The following FXYD1 variants were observed in gnomAD, a reference collection of about 807,000 sequenced individuals.
The protein encoded by FXYD1 is phospholemman.
FXYD1 carries 9 observed loss-of-function variants against 17.2 expected under a neutral mutation model. The ratio of observed to expected loss-of-function variants is 0.52; its 90% CI spans 0.32 to 0.91. FXYD1 has a LOEUF of 0.91. Ranked by LOEUF, FXYD1 falls within the 40% of genes least tolerant of loss-of-function variation. The probability of loss-of-function intolerance (pLI) is 0.04; values close to 1 mark genes in which losing one functional copy is unlikely to be tolerated. For synonymous variants in FXYD1, 55 were observed against 45.8 expected (o/e 1.20, Z -0.81); for missense variants, 113 against 120.6 (o/e 0.94, Z 0.29).
intron 1 of FXYD1, chr19:35,139,778 G>T (rs2065233593): frequency 8.3e-6 from 3 of 362,358 alleles, no homozygotes; most frequent in Non-Finnish European, 1.6e-5. Flanking sequence ...GTAGGTCTGG[G>T]AATCGGGGGC....
In FXYD1 at chr19:35,140,091, T is replaced by C. The variant is rs1180745266; in HGVS notation, c.12T>C (p.Leu4=). MAS[L]GHILVFCVGL... is the part of the protein sequence containing the mutation. The stretch of plus-strand genomic sequence containing the variant: ...TCCCCCCCAGGACAATGGCGTCTCT[T>C]GGCCACATCTTGGTTTTCTGTGTGG... Residue 4 remains leucine, a synonymous_variant, in exon 2 of 8, where the codon CTT becomes CTC. Transcript: ENST00000351325. 25 of 1,612,818 alleles carry C rather than the reference T, an allele frequency of 1.6e-5. No individual in the cohort carries two copies. The highest frequency in any genetic ancestry group is 2.1e-5 in the Non-Finnish European group (25 of 1,178,970).
At chr19:35,142,800 G>GGGAAGGAGGGA in intron 7 of FXYD1, 29 bp downstream of exon 7, 1 of 1,557,104 alleles carries the variant, frequency 6.4e-7, no homozygotes. Context: ...GGCGGTGGGA[G>GGGAAGGAGGGA]GGAAGGAGGG....
chr19:35,139,352 C>T (rs1255133134), intron 1 of FXYD1: 1 of 152,758 alleles, frequency 6.5e-6, no homozygotes, highest in East Asian at 1.9e-4. Context: ...CTGGGCTGGG[C>T]CTCATGTCAC....
intron 3 of FXYD1, 175 bp from the exon 4 acceptor site, chr19:35,140,957 T>C (rs1262017565): frequency 3.8e-5 from 14 of 368,170 alleles, no homozygotes; most frequent in Non-Finnish European, 6.3e-5. Context: ...ATACACCCCT[T>C]TCCTCTCCCT....
chr19:35,141,072 C>G (rs1159328282), intron 3 of FXYD1, 60 bp from the exon 4 acceptor site: 1 of 1,022,386 alleles, frequency 9.8e-7, no homozygotes, highest in African/African-American at 1.6e-5. Flanking sequence ...CCAATTTACC[C>G]CTCTCCTATT....
At chr19:35,142,832 G>A in intron 7 of FXYD1, 61 bp downstream of exon 7, 1 of 1,336,284 alleles carries the variant, frequency 7.5e-7, no homozygotes, top group Non-Finnish European at 1.1e-6. Context: ...GCGGGAGAGG[G>A]AGGGGGCCAA....
Position 35,143,069 on chromosome 19 carries a change from G to A in FXYD1, c.*182G>A, listed in dbSNP as rs948433550. On this transcript the variant is annotated 3_prime_UTR_variant, in exon 8 of 8. Coordinates refer to ENST00000351325, the MANE Select transcript of FXYD1 (RefSeq NM_021902.4). The surrounding 1 kb of genome is among the most constrained non-coding windows in gnomAD (Gnocchi z 4.3). Reference sequence around the variant, plus strand: ...CTCTCGACAGCACTTTGTCGGTCTCGGTCCCTCAGCGCGAAACGCCAGCGC... The same window carrying A: ...CTCTCGACAGCACTTTGTCGGTCTCAGTCCCTCAGCGCGAAACGCCAGCGC... 5.2e-5 allele frequency: 29 copies of A among 553,018 alleles called. No individual in the cohort carries two copies. The highest frequency in any genetic ancestry group is 7.9e-5 in the Non-Finnish European group (25 of 315,056). 34.3% of individuals were successfully genotyped at this position (553,018 alleles called of 1,614,324 possible).
upstream of FXYD1, chr19:35,138,305 T>C (rs2065220761): frequency 6.6e-6 from 1 of 152,150 alleles, no homozygotes; most frequent in African/African-American, 2.4e-5. Flanking sequence ...GTCTTTGGGA[T>C]TGTGTGTGGG....
upstream of FXYD1, chr19:35,137,632 T>C (rs1472896848): frequency 6.6e-6 from 1 of 152,564 alleles, no homozygotes; most frequent in Admixed American, 6.5e-5. Flanking sequence ...TTTTTTGTTT[T>C]GTTTTTGTTT....
chr19:35,140,801 C>A, intron 3 of FXYD1, 172 bp downstream of exon 3: 1 of 622,314 alleles, frequency 1.6e-6, no homozygotes, highest in Non-Finnish European at 2.9e-6. Flanking sequence ...CTGTCTGTGT[C>A]TATCTGTGTC....
intron 5 of FXYD1, among the ~76,000 whole-genome samples, 194 bp downstream of exon 5, chr19:35,141,766 C>G (rs2065259131): frequency 6.6e-6 from 1 of 152,252 alleles, no homozygotes; most frequent in African/African-American, 2.4e-5. Flanking sequence ...TGGCCGAGCT[C>G]CCAGCCTAGT....
upstream of FXYD1, chr19:35,138,793 G>T (rs2065224539): frequency 6.6e-6 from 1 of 152,298 alleles, no homozygotes; most frequent in African/African-American, 2.4e-5. Context: ...GCTGCTGGGG[G>T]CGGCGCGTCC....
intron 5 of FXYD1, 33 bp downstream of exon 5, chr19:35,141,605 C>T: frequency 1.3e-6 from 2 of 1,589,948 alleles, no homozygotes; most frequent in Admixed American, 3.4e-5. Context: ...CCTTCGCCCG[C>T]TCCTGCTCTG....
At chr19:35,140,828 C>T in intron 3 of FXYD1, 199 bp downstream of exon 3, 3 of 598,054 alleles carry the variant, frequency 5.0e-6, no homozygotes, top group African/African-American at 3.7e-5. Flanking sequence ...TATGTGATAC[C>T]TCTCTGGTTC....
rs1219168734 is a variant in FXYD1, at chr19:35,140,636, G to A, written c.94+7G>A. On this transcript the variant is annotated splice_region_variant and intron_variant, in intron 3 of 7. Transcript: ENST00000351325. ...CACGACCCGTTCACTTACGGTGAGC[G>A]GGGGGTCTAATTTTGAGTCCTGGGG... 1.9e-6 allele frequency: 3 copies of A among 1,611,912 alleles called. No homozygotes were observed. Among genetic ancestry groups the A allele is most frequent in the Non-Finnish European group, 2.5e-6 (3 of 1,178,570 alleles).
intron 1 of FXYD1, chr19:35,139,374 C>A (rs1177691659): frequency 7.2e-5 from 11 of 152,904 alleles, no homozygotes; most frequent in African/African-American, 2.4e-4. Context: ...TGCCTGACAT[C>A]CGATTGTGAA....
At chr19:35,139,996 C>T in intron 1 of FXYD1, 80 bp from the exon 2 acceptor site, 1 of 1,238,612 alleles carries the variant, frequency 8.1e-7, no homozygotes. Flanking sequence ...CCCAGACTGT[C>T]TCTGACTTAA....
At chr19:35,138,628 G>T (rs1252969824), upstream of FXYD1, 4 of 152,672 alleles carry the variant, frequency 2.6e-5, no homozygotes, top group Admixed American at 6.5e-5. Context: ...CCTGCCTGCT[G>T]GCTGCCTGCT....
rs546009503 is a variant in FXYD1, at chr19:35,141,483, T to C, written c.170-53T>C. ...GGGCGAGCTGGAGCTACAGCGCCGC[T>C]TGGCGCCCGCCGGGAGGGAGCCTCA... On this transcript the variant is annotated intron_variant, in intron 4 of 7. Coordinates refer to ENST00000351325, the MANE Select transcript of FXYD1 (RefSeq NM_021902.4). The C allele has an allele frequency of 2.6e-6, 4 of 1,517,550 alleles. No individual in the cohort carries two copies. In the East Asian group the frequency reaches 7.0e-5, roughly 27 times the overall value. The allele number at this position is 1,517,550 out of a possible 1,614,324, so 94.0% of individuals were successfully genotyped here.
Sources: allele counts gnomAD v4.1 joint callset (sites outside exome capture counted in the v4.1 genomes callset), GRCh38; gene constraint gnomAD v4.1.1; non-coding constraint Gnocchi (gnomAD v3.1); transcripts MANE v1.5; gene names NCBI Gene and HGNC (gene_info 2026-07-23, HGNC 2026-07-21).